ACAD11: variants seen among roughly 807,000 people sequenced by gnomAD.
ACAD11 encodes acyl-CoA dehydrogenase family member 11.
A neutral mutation model predicts 102.2 loss-of-function variants in ACAD11; 83 were observed. The observed-to-expected ratio is 0.81, with a 90% CI of 0.68 to 0.97. ACAD11 has a LOEUF of 0.97. ACAD11 is among the 50% of genes least tolerant of loss of function. The pLI is 0.00. For synonymous variants in ACAD11, 324 were observed against 319.8 expected (o/e 1.01, Z -0.14); for missense variants, 901 against 951.7 (o/e 0.95, Z 0.70).
At chr3:132,602,530 G>A (rs1938657255) in intron 13 of ACAD11, among the ~76,000 whole-genome samples, 1 of 151,814 alleles carries the variant, frequency 6.6e-6, no homozygotes, top group South Asian at 2.1e-4. Context: ...ATAAATTATT[G>A]TTAATTAACA....
At chr3:132,605,857 C>G (rs1559953647) in intron 11 of ACAD11, among the ~76,000 whole-genome samples, 1 of 152,152 alleles carries the variant, frequency 6.6e-6, no homozygotes, top group Non-Finnish European at 1.5e-5. Flanking sequence ...CCCATACTAC[C>G]TAGAAAATAC....
At chr3:132,604,262 T>C (rs528357115) in intron 12 of ACAD11, among the ~76,000 whole-genome samples, 1 of 152,190 alleles carries the variant, frequency 6.6e-6, no homozygotes, top group Non-Finnish European at 1.5e-5. Flanking sequence ...ATTGTTATAA[T>C]TGTTCTATTT....
In ACAD11 at chr3:132,558,567, C is replaced by T. The variant is rs1936949944; in HGVS notation, c.*404G>A. ...CCCAGGCTGGAGGCCATGTCACGAT[C>T]ACAGCTTACTGTAACCTCAAACTCC... On this transcript the variant is annotated 3_prime_UTR_variant, in exon 20 of 20. Coordinates refer to ENST00000264990, the MANE Select transcript of ACAD11 (RefSeq NM_032169.5). 6.4e-6 allele frequency: 1 copy of T among 157,348 alleles called. No homozygotes were observed. The allele number at this position is 157,348 out of a possible 1,614,324, so 9.7% of individuals were successfully genotyped here. A position where few individuals can be genotyped will look rare whatever the true frequency, so the allele number is the denominator to read the frequency against.
intron 11 of ACAD11, among the ~76,000 whole-genome samples, chr3:132,614,697 C>T (rs1301382884): frequency 5.3e-5 from 8 of 152,094 alleles, no homozygotes; most frequent in African/African-American, 1.9e-4. Context: ...AAGACTTAAA[C>T]GTAAGACCTA....
At chr3:132,615,776 C>T (rs535350700) in intron 11 of ACAD11, among the ~76,000 whole-genome samples, 5 of 152,260 alleles carry the variant, frequency 3.3e-5, no homozygotes, top group South Asian at 2.1e-4. Flanking sequence ...CAAACCTTCA[C>T]GTTCTGCACA....
chr3:132,605,272 T>C, intron 11 of ACAD11, 67 bp from the exon 12 acceptor site: 4 of 1,135,254 alleles, frequency 3.5e-6, no homozygotes, highest in East Asian at 4.8e-5. Flanking sequence ...CACAACTTTA[T>C]GTAGAGAGTA....
chr3:132,659,320 C>T, intron 1 of ACAD11: 1 of 413,460 alleles, frequency 2.4e-6, no homozygotes, highest in South Asian at 3.2e-5. Flanking sequence ...CCTTAATTGC[C>T]TTGGTGAATC....
intron 13 of ACAD11, among the ~76,000 whole-genome samples, chr3:132,599,208 G>C (rs1426066798): frequency 1.3e-5 from 2 of 151,858 alleles, no homozygotes; most frequent in African/African-American, 4.8e-5. Context: ...TAAATAAATG[G>C]ATTAAAATTT....
intron 13 of ACAD11, among the ~76,000 whole-genome samples, chr3:132,593,956 T>C (rs944127069): frequency 6.6e-6 from 1 of 152,154 alleles, no homozygotes; most frequent in Non-Finnish European, 1.5e-5. Flanking sequence ...CTGCCTACCC[T>C]CTAAGCTACA....
At chr3:132,579,041 T>C in intron 14 of ACAD11, 160 bp from the exon 15 acceptor site, 3 of 1,513,168 alleles carry the variant, frequency 2.0e-6, no homozygotes, top group Non-Finnish European at 2.7e-6. Context: ...CAACATAGTC[T>C]GATGCAGGCT....
At chr3:132,583,810 T>C (rs1044924293) in intron 13 of ACAD11, among the ~76,000 whole-genome samples, 32 of 152,244 alleles carry the variant, frequency 2.1e-4, no homozygotes, top group Non-Finnish European at 4.0e-4. Context: ...GTTATGTACC[T>C]AGTAGTCATT....
chr3:132,629,957 A>G (rs1939972140), intron 7 of ACAD11, among the ~76,000 whole-genome samples: 1 of 152,094 alleles, frequency 6.6e-6, no homozygotes, highest in Non-Finnish European at 1.5e-5. Flanking sequence ...CGATGAAAAT[A>G]AAAAAATCTT....
At chr3:132,608,347 A>G (rs1938949950) in intron 11 of ACAD11, among the ~76,000 whole-genome samples, 1 of 152,196 alleles carries the variant, frequency 6.6e-6, no homozygotes, top group South Asian at 2.1e-4. Flanking sequence ...ATAAACAGTC[A>G]AGACCCATTG....
rs1940806155 is a variant in ACAD11 at position 132,648,590 on chromosome 3, T to G, written c.150-3694A>C. On this transcript the variant is annotated intron_variant, in intron 1 of 19. Transcript: ENST00000264990. Reference sequence around the variant, plus strand: ...TAGGCCCTGATAAGGGAATCAGTTGTGTTTGTGGATATCCAGGAAGCCACT... The same window carrying G: ...TAGGCCCTGATAAGGGAATCAGTTGGGTTTGTGGATATCCAGGAAGCCACT... 2.0e-5 allele frequency: 3 copies of G among 151,790 alleles called. No homozygotes were observed. The South Asian group carries it at 6.2e-4, about 31-fold the overall frequency. 9.4% of individuals were successfully genotyped at this position (151,790 alleles called of 1,614,324 possible).
rs1940667026 is a variant in ACAD11 at position 132,645,035 on chromosome 3, A to C, written c.150-139T>G. 1.6e-5 allele frequency: 9 copies of C among 555,860 alleles called. No individual in the cohort carries two copies. The South Asian group carries it at 1.7e-4, about 11-fold the overall frequency. 34.4% of individuals were successfully genotyped at this position (555,860 alleles called of 1,614,324 possible). ...GAAAATCAAGAGGGGTGCTATCAGC[A>C]GCTCACAACATGAATTTCTAGATGA... is the stretch of plus-strand genomic sequence containing the variant. On this transcript the variant is annotated intron_variant, in intron 1 of 19. Coordinates refer to ENST00000264990, the MANE Select transcript of ACAD11 (RefSeq NM_032169.5).
intron 11 of ACAD11, among the ~76,000 whole-genome samples, chr3:132,614,378 G>A (rs886120089): frequency 1.4e-4 from 22 of 152,218 alleles, no homozygotes; most frequent in African/African-American, 4.6e-4. Flanking sequence ...ACAATCCTAA[G>A]CAAAAAGAAC....
chr3:132,636,731 G>A (rs911738978), intron 5 of ACAD11, among the ~76,000 whole-genome samples: 1 of 152,110 alleles, frequency 6.6e-6, no homozygotes, highest in East Asian at 1.9e-4. Flanking sequence ...TGGCAATGAG[G>A]CTAAAGAAAA....
chr3:132,638,069 G>A (rs991312145), intron 5 of ACAD11, among the ~76,000 whole-genome samples: 2 of 152,038 alleles, frequency 1.3e-5, no homozygotes, highest in African/African-American at 4.8e-5. Flanking sequence ...TTGACAAGTA[G>A]TCTAAGAAAA....
chr3:132,631,402 C>A lies in ACAD11; in HGVS notation c.780G>T (p.Leu260=), dbSNP rs746699055. Residue 260 remains leucine, a synonymous_variant, in exon 6 of 20, where the codon CTG becomes CTT. Transcript: ENST00000264990. ...HPLSDLAHFS[L]FYFWPRTVPM... is the part of the protein sequence containing the mutation. ...GAACTGTCCTTGGCCAAAAGTAGAA[C>A]AGGGAAAAATGAGCTAAGTCTGACA... is the stretch of plus-strand genomic sequence containing the variant. 7.0e-6 allele frequency: 11 copies of A among 1,566,820 alleles called. No homozygotes were observed. The African/African-American group carries it at 8.2e-5, about 12-fold the overall frequency.
Sources: allele counts gnomAD v4.1 joint callset (sites outside exome capture counted in the v4.1 genomes callset), GRCh38; gene constraint gnomAD v4.1.1; transcripts MANE v1.5; gene names NCBI Gene and HGNC (gene_info 2026-07-23, HGNC 2026-07-21).